Variants in PALM2AKAP2 observed in about 807,000 individuals in gnomAD.
The protein encoded by PALM2AKAP2 is PALM2 and AKAP2 fusion, also known as PALM2-AKAP2 fusion protein.
Under a neutral mutation model 71.5 loss-of-function variants are expected in PALM2AKAP2, and 37 were observed. That is an observed-to-expected ratio of 0.52 (90% CI 0.40 to 0.68). The LOEUF is 0.68. Ranked by LOEUF, PALM2AKAP2 falls within the 30% of genes least tolerant of loss-of-function variation. The pLI is 0.00. For synonymous variants in PALM2AKAP2, 468 were observed against 478.8 expected (o/e 0.98, Z 0.29); for missense variants, 1,224 against 1,191.8 (o/e 1.03, Z -0.40).
At chr9:109,659,656 A>C (rs1827360662) in intron 1 of PALM2AKAP2, among the ~76,000 whole-genome samples, 1 of 152,108 alleles carries the variant, frequency 6.6e-6, no homozygotes, top group Non-Finnish European at 1.5e-5. Flanking sequence ...AACATTTAAC[A>C]CTTTGCAAAG....
chr9:110,087,755 G>A (rs1053970057), intron 1 of PALM2AKAP2, among the ~76,000 whole-genome samples: 2 of 152,182 alleles, frequency 1.3e-5, no homozygotes, highest in African/African-American at 2.4e-5. Flanking sequence ...TCTGCCATAG[G>A]CCAGTTACTG....
chr9:110,079,249 A>G (rs760448757), intron 1 of PALM2AKAP2, among the ~76,000 whole-genome samples: 1 of 152,146 alleles, frequency 6.6e-6, no homozygotes, highest in Non-Finnish European at 1.5e-5. Context: ...TAATCCTAGC[A>G]CTTTGGGAGG....
At chr9:109,942,993 G>A (rs1831412214) in intron 6 of PALM2AKAP2, 1 of 1,614,070 alleles carries the variant, frequency 6.2e-7, no homozygotes, top group African/African-American at 1.3e-5. Context: ...AGGAACACAT[G>A]CTCTGCAAAG....
chr9:110,144,786 T>A (rs542223791), intron 2 of PALM2AKAP2, among the ~76,000 whole-genome samples: 16 of 152,338 alleles, frequency 1.1e-4, no homozygotes, highest in African/African-American at 3.8e-4. Context: ...ATGAAAAATC[T>A]TTCTTTTCAG....
intron 1 of PALM2AKAP2, among the ~76,000 whole-genome samples, chr9:109,828,569 T>G (rs990206244): frequency 6.6e-6 from 1 of 152,356 alleles, no homozygotes; most frequent in Admixed American, 6.5e-5. Context: ...CTCTCTCATT[T>G]TAAGTGTGCT....
chr9:109,704,553 TTAAA>T (rs368903521), intron 1 of PALM2AKAP2, among the ~76,000 whole-genome samples: 57 of 152,156 alleles, frequency 3.7e-4, no homozygotes, highest in Admixed American at 3.9e-4. Flanking sequence ...CTCACAGATT[TTAAA>T]TAACTCTTCT....
chr9:109,774,664 TA>T (rs57741241), intron 1 of PALM2AKAP2, among the ~76,000 whole-genome samples: 2,619 of 140,388 alleles, frequency 0.019, 65 homozygotes, highest in African/African-American at 0.058. Flanking sequence ...GCTCAACCCT[TA>T]AAAAAAAAAA....
At chr9:109,739,736 C>T (rs1025518777) in intron 1 of PALM2AKAP2, among the ~76,000 whole-genome samples, 3 of 152,190 alleles carry the variant, frequency 2.0e-5, no homozygotes, top group Non-Finnish European at 2.9e-5. Flanking sequence ...TTTGAGGTCT[C>T]TAGTTCTGAG....
exon 4 of PALM2AKAP2, chr9:110,168,549 A>G (rs1265905982): frequency 1.9e-6 from 3 of 1,590,374 alleles, no homozygotes; most frequent in Non-Finnish European, 2.6e-6. Context: ...CAAGAAACCA[A>G]GAAATTAACA....
chr9:110,141,675 C>T (rs1004305800), intron 2 of PALM2AKAP2, among the ~76,000 whole-genome samples: 2 of 152,166 alleles, frequency 1.3e-5, no homozygotes, highest in African/African-American at 4.8e-5. Flanking sequence ...GTTCCTGCGG[C>T]ACATTTCATA....
At chr9:110,136,546 T>A (rs769324792) in exon 2 of PALM2AKAP2, 2 of 1,613,484 alleles carry the variant, frequency 1.2e-6, no homozygotes, top group Non-Finnish European at 1.7e-6. Flanking sequence ...CAGAACCCAC[T>A]GAAAGAACAG....
At chr9:109,923,694 G>C in intron 3 of PALM2AKAP2, 41 bp from the exon 4 acceptor site, 1 of 1,544,314 alleles carries the variant, frequency 6.5e-7, no homozygotes. Context: ...GTGGATGGCA[G>C]GACAATAAAG....
intron 3 of PALM2AKAP2, among the ~76,000 whole-genome samples, chr9:109,904,511 C>T (rs931703495): frequency 1.3e-5 from 2 of 152,188 alleles, no homozygotes; most frequent in Non-Finnish European, 2.9e-5. Context: ...CTGCATGAGA[C>T]GTCTCATACC....
chr9:110,054,005 AG>A (rs1383495964), intron 1 of PALM2AKAP2, among the ~76,000 whole-genome samples: 1 of 152,262 alleles, frequency 6.6e-6, no homozygotes, highest in Non-Finnish European at 1.5e-5. Context: ...CCCTTTATCC[AG>A]AACCAGGGCA....
At chr9:109,672,551 G>A (rs1244990834) in intron 1 of PALM2AKAP2, among the ~76,000 whole-genome samples, 1 of 152,050 alleles carries the variant, frequency 6.6e-6, no homozygotes, top group African/African-American at 2.4e-5. Context: ...AAGAATATTG[G>A]CTTAAAGTTT....
intron 7 of PALM2AKAP2, among the ~76,000 whole-genome samples, chr9:110,034,354 C>T (rs1245585882): frequency 6.6e-6 from 1 of 152,008 alleles, no homozygotes; most frequent in Non-Finnish European, 1.5e-5. Context: ...GACAGGGTTT[C>T]TCCATGTTGT....
At chr9:109,933,892 A>C (rs747708951) in intron 6 of PALM2AKAP2, among the ~76,000 whole-genome samples, 5 of 152,218 alleles carry the variant, frequency 3.3e-5, no homozygotes, top group Non-Finnish European at 5.9e-5. Context: ...ATTATGGTTA[A>C]TGGTGACTAC....
intron 1 of PALM2AKAP2, among the ~76,000 whole-genome samples, chr9:110,096,585 C>T (rs1834844698): frequency 6.6e-6 from 1 of 152,104 alleles, no homozygotes; most frequent in Non-Finnish European, 1.5e-5. Context: ...TTCTTCTGTC[C>T]CCTTGGTGGG....
intron 1 of PALM2AKAP2, among the ~76,000 whole-genome samples, chr9:109,815,007 G>A (rs1827816456): frequency 6.6e-6 from 1 of 152,152 alleles, no homozygotes; most frequent in Non-Finnish European, 1.5e-5. Context: ...TGGGAGGGAT[G>A]GGGAGTGGGC....
Sources: gnomAD v4.1 joint callset for allele counts (sites outside exome capture counted in the v4.1 genomes callset) on GRCh38, gnomAD v4.1.1 for gene constraint, MANE v1.5 for transcripts, NCBI Gene and HGNC (gene_info 2026-07-23, HGNC 2026-07-21) for gene names.